Variants in GLIS3 observed in about 807,000 individuals in gnomAD.
GLIS3 encodes zinc finger protein GLIS3.
In GLIS3, 53 loss-of-function variants were observed where a neutral mutation model predicts 78.6. The ratio of observed to expected loss-of-function variants is 0.67; its 90% CI spans 0.54 to 0.85. GLIS3 has a LOEUF of 0.85. Ranked by LOEUF, GLIS3 falls within the 40% of genes least tolerant of loss-of-function variation. GLIS3 has a pLI of 0.00. For missense variants in GLIS3, 1,703 were observed against 1,231.1 expected (o/e 1.38, Z -5.74); for synonymous variants, 684 against 509.9 (o/e 1.34, Z -4.60).
chr9:3,845,110 CAT>C (rs1279090826), intron 9 of GLIS3, among the ~76,000 whole-genome samples: 1 of 150,974 alleles, frequency 6.6e-6, no homozygotes. Flanking sequence ...TATAAACATG[CAT>C]ATATATATGA....
chr9:4,052,381 A>C (rs1306684654), intron 4 of GLIS3, among the ~76,000 whole-genome samples: 1 of 152,156 alleles, frequency 6.6e-6, no homozygotes, highest in Non-Finnish European at 1.5e-5. Context: ...TACATACTTC[A>C]TGATATTAAA....
rs1468876597 is a variant in GLIS3, at chr9:4,117,995, C to T, written c.1483G>A (p.Gly495Ser). The change falls in exon 4 of 11, where the codon GGC becomes AGC. Residue 495 changes from glycine to serine, a missense_variant. Coordinates refer to ENST00000381971, the MANE Select transcript of GLIS3 (RefSeq NM_001042413.2). ...ATLDDDGEMDGIGGKHCCRWI... is the reference protein window; with the variant it reads ...ATLDDDGEMDSIGGKHCCRWI... ...CGGCAGCAATGCTTGCCCCCGATGC[C>T]GTCCATCTCCCCGTCGTCGTCCAGG... 1.2e-5 allele frequency: 19 copies of T among 1,610,626 alleles called. No homozygotes were observed. Among genetic ancestry groups the T allele is most frequent in the Non-Finnish European group, 1.3e-5 (15 of 1,178,580 alleles).
At position 4,327,410 on chromosome 9, in the gene GLIS3, T is replaced by C. The variant is rs1587387851; in HGVS notation, n.265-16882A>G. On this transcript the variant is annotated intron_variant and non_coding_transcript_variant, in intron 2 of 4. Transcript: ENST00000471664. ...CTTTGGAAAGAGGTGTCAAGAGAAA[T>C]GTGGGAGATCAGTTAGGAGGGTCCT... Among the ~76,000 whole-genome samples, 10 of 152,128 alleles carry C rather than the reference T, an allele frequency of 6.6e-5. 1 individual carries two copies. The highest frequency in any genetic ancestry group is 4.2e-4 in the South Asian group (2 of 4,802).
chr9:4,326,029 G>A (rs1009499230), intron 2 of GLIS3, among the ~76,000 whole-genome samples: 4 of 152,102 alleles, frequency 2.6e-5, no homozygotes, highest in African/African-American at 9.7e-5. Context: ...ACACTGTGGG[G>A]AACAACACAC....
Position 4,198,529 on chromosome 9 carries a change from T to A in GLIS3, c.389-72588A>T, listed in dbSNP as rs551996978. Among the ~76,000 whole-genome samples the A allele has an allele frequency of 5.3e-5, 8 of 152,234 alleles. No individual in the cohort carries two copies. The South Asian group carries it at 1.7e-3, about 32-fold the overall frequency. On this transcript the variant is annotated intron_variant, in intron 2 of 10. Coordinates refer to ENST00000381971, the MANE Select transcript of GLIS3 (RefSeq NM_001042413.2). ...CTAAAGAAAAAAAGAATTTTAAAAA[T>A]GAACAGTCTTTGAGAAATATGGGAT...
At chr9:4,287,184 A>G (rs1400165798) in intron 1 of GLIS3, among the ~76,000 whole-genome samples, 1 of 152,204 alleles carries the variant, frequency 6.6e-6, no homozygotes, top group Non-Finnish European at 1.5e-5. Flanking sequence ...CAACAACAGG[A>G]TACTGCAACC....
chr9:4,294,101 C>T (rs1428567797), intron 1 of GLIS3, among the ~76,000 whole-genome samples: 1 of 152,220 alleles, frequency 6.6e-6, no homozygotes, highest in Non-Finnish European at 1.5e-5. Flanking sequence ...CCTACTTATC[C>T]TCTAAGCCCA....
chr9:3,834,091 C>A (rs1211509838), intron 9 of GLIS3, among the ~76,000 whole-genome samples: 2 of 152,176 alleles, frequency 1.3e-5, no homozygotes, highest in Non-Finnish European at 2.9e-5. Flanking sequence ...TCTGTTTTTG[C>A]CTCTAATATC....
intron 4 of GLIS3, among the ~76,000 whole-genome samples, chr9:4,097,316 G>C (rs1186729148): frequency 6.6e-6 from 1 of 152,036 alleles, no homozygotes; most frequent in Non-Finnish European, 1.5e-5. Context: ...CTCTGCTTGA[G>C]TGAAGATCTA....
At chr9:4,365,244 T>A in the GLIS3 span, among the ~76,000 whole-genome samples, 7 of 152,282 alleles carry the variant, frequency 4.6e-5, no homozygotes, top group East Asian at 7.7e-4. Flanking sequence ...GCGTAAGATA[T>A]GAGAAAGTTC....
intron 2 of GLIS3, among the ~76,000 whole-genome samples, chr9:4,143,629 T>C (rs1586796648): frequency 1.3e-5 from 2 of 152,132 alleles, no homozygotes; most frequent in East Asian, 1.9e-4. Context: ...CAATACAGTA[T>C]TGTCAACTAT....
the GLIS3 span, among the ~76,000 whole-genome samples, chr9:4,411,745 C>G: frequency 2.0e-5 from 3 of 152,206 alleles, no homozygotes; most frequent in African/African-American, 7.2e-5. Flanking sequence ...AACCCATGGA[C>G]AAGTGGCTTA....
chr9:4,368,219 G>C, the GLIS3 span, among the ~76,000 whole-genome samples: 1 of 151,974 alleles, frequency 6.6e-6, no homozygotes, highest in Non-Finnish European at 1.5e-5. Flanking sequence ...TATCTCCAAA[G>C]AAAATAACTA....
chr9:4,204,351 C>T (rs546551460), intron 2 of GLIS3, among the ~76,000 whole-genome samples: 1 of 152,256 alleles, frequency 6.6e-6, no homozygotes, highest in South Asian at 2.1e-4. Context: ...CCATCTGATA[C>T]ACTTTCAGGA....
At chr9:4,155,268 T>C (rs951691189) in intron 2 of GLIS3, among the ~76,000 whole-genome samples, 12 of 152,202 alleles carry the variant, frequency 7.9e-5, no homozygotes, top group African/African-American at 2.9e-4. Flanking sequence ...GCCAAAAGAT[T>C]TTTAAAAAGC....
chr9:4,354,242 C>T, the GLIS3 span, among the ~76,000 whole-genome samples: 1 of 152,084 alleles, frequency 6.6e-6, no homozygotes, highest in African/African-American at 2.4e-5. Context: ...ATTAGACTCC[C>T]CATCTGAAAC....
chr9:4,483,441 T>C, the GLIS3 span, among the ~76,000 whole-genome samples: 218 of 152,182 alleles, frequency 1.4e-3, 1 homozygote, highest in East Asian at 0.03. Context: ...TGTTGGTGGC[T>C]GGGTGCGGTG....
chr9:4,159,778 T>A, intron 2 of GLIS3, among the ~76,000 whole-genome samples: 1 of 149,576 alleles, frequency 6.7e-6, no homozygotes, highest in South Asian at 2.1e-4. Flanking sequence ...TGCTTGGGGG[T>A]TGGCCCACAT....
chr9:4,161,264 C>A (rs537612695), intron 2 of GLIS3, among the ~76,000 whole-genome samples: 1 of 151,880 alleles, frequency 6.6e-6, no homozygotes, highest in Non-Finnish European at 1.5e-5. Context: ...CAAAGCGAGA[C>A]CCTGTCTCAA....
Sources: gnomAD v4.1 joint callset for allele counts (sites outside exome capture counted in the v4.1 genomes callset) on GRCh38, gnomAD v4.1.1 for gene constraint, MANE v1.5 for transcripts, NCBI Gene and HGNC (gene_info 2026-07-23, HGNC 2026-07-21) for gene names.